ANKS6: variants seen among roughly 807,000 people sequenced by gnomAD.
ANKS6 encodes the protein ankyrin repeat and sterile alpha motif domain containing 6.
Under a neutral mutation model 77.9 loss-of-function variants are expected in ANKS6, and 47 were observed. The observed-to-expected ratio is 0.60, with a 90% CI of 0.48 to 0.77. ANKS6 has a LOEUF of 0.77. Ranked by LOEUF, ANKS6 falls within the 30% of genes least tolerant of loss-of-function variation. The pLI is 0.00. For synonymous variants in ANKS6, 488 were observed against 501.7 expected (o/e 0.97, Z 0.37); for missense variants, 1,150 against 1,159.1 (o/e 0.99, Z 0.11).
intron 14 of ANKS6, among the ~76,000 whole-genome samples, chr9:98,744,916 TCCAATAGC>T (rs1295298685): frequency 6.6e-6 from 1 of 152,092 alleles, no homozygotes; most frequent in African/African-American, 2.4e-5. Flanking sequence ...GCAAAGGAGT[TCCAATAGC>T]CCAATAGCAA....
intron 14 of ANKS6, among the ~76,000 whole-genome samples, chr9:98,744,289 CA>C (rs1295050947): frequency 3.3e-5 from 5 of 152,208 alleles, no homozygotes; most frequent in Non-Finnish European, 7.3e-5. Flanking sequence ...ACAGTGACAA[CA>C]AAAACCACCA....
chr9:98,759,592 C>T (rs948367829), intron 11 of ANKS6, among the ~76,000 whole-genome samples: 18 of 152,202 alleles, frequency 1.2e-4, no homozygotes, highest in Non-Finnish European at 2.1e-4. Context: ...GATTAATTGG[C>T]TAGTGGCTCA....
chr9:98,732,841 A>G lies in ANKS6; in HGVS notation c.*3678T>C. The G allele has an allele frequency of 1.6e-6, 2 of 1,227,040 alleles. No individual in the cohort carries two copies. The highest frequency in any genetic ancestry group is 2.0e-6 in the Non-Finnish European group (2 of 979,222). 76.0% of individuals were successfully genotyped at this position (1,227,040 alleles called of 1,614,324 possible). On this transcript the variant is annotated 3_prime_UTR_variant, in exon 15 of 15. Transcript: ENST00000353234. ...CTCATTTTAAAGGACTAAAAACAGA[A>G]AAACAGGCACCCAACTGACCCTTCC...
chr9:98,734,721 C>T lies in ANKS6; in HGVS notation c.*1798G>A. 21 of 950,778 alleles carry T rather than the reference C, an allele frequency of 2.2e-5. No individual in the cohort carries two copies. The highest frequency in any genetic ancestry group is 2.6e-5 in the Non-Finnish European group (21 of 798,364). The allele number at this position is 950,778 out of a possible 1,614,324, so 58.9% of individuals were successfully genotyped here. ...TGTGCAAGATGAGGTTACACAATGC[C>T]ACCTCCAGGGTGGCCATGAGGATGA... On this transcript the variant is annotated 3_prime_UTR_variant, in exon 15 of 15. Coordinates refer to ENST00000353234, the MANE Select transcript of ANKS6 (RefSeq NM_173551.5).
chr9:98,772,885 A>G (rs572215896), intron 9 of ANKS6, among the ~76,000 whole-genome samples: 1 of 152,174 alleles, frequency 6.6e-6, no homozygotes, highest in East Asian at 1.9e-4. Flanking sequence ...TCCCTGCCTC[A>G]TGTTCTGTGC....
At chr9:98,756,691 T>C (rs923781913) in intron 11 of ANKS6, 88 bp from the exon 12 acceptor site, 63 of 1,138,940 alleles carry the variant, frequency 5.5e-5, no homozygotes, top group Non-Finnish European at 7.4e-5. Context: ...GGAACATGGG[T>C]GGTATTTGAT....
chr9:98,733,573 G>A lies in ANKS6; in HGVS notation c.*2946C>T. 1.0e-6 allele frequency: 1 copy of A among 985,510 alleles called. No homozygotes were observed. Among genetic ancestry groups the A allele is most frequent in the Non-Finnish European group, 1.2e-6 (1 of 829,968 alleles). 61.0% of individuals were successfully genotyped at this position (985,510 alleles called of 1,614,324 possible). A position where few individuals can be genotyped will look rare whatever the true frequency, so the allele number is the denominator to read the frequency against. Reference sequence around the variant, plus strand: ...CACTTCCAGGGCTGCAAGGCCTCTTGGTTGCCGCTGTTCCAGAAAAAGCGG... The same window carrying A: ...CACTTCCAGGGCTGCAAGGCCTCTTAGTTGCCGCTGTTCCAGAAAAAGCGG... On this transcript the variant is annotated 3_prime_UTR_variant, in exon 15 of 15. Coordinates refer to ENST00000353234, the MANE Select transcript of ANKS6 (RefSeq NM_173551.5).
intron 1 of ANKS6, among the ~76,000 whole-genome samples, chr9:98,793,432 T>C (rs1322950539): frequency 6.6e-6 from 1 of 152,218 alleles, no homozygotes; most frequent in South Asian, 2.1e-4. Context: ...TCCTAAGGTT[T>C]TGTATGGATT....
intron 13 of ANKS6, among the ~76,000 whole-genome samples, chr9:98,747,804 G>A (rs1042515059): frequency 6.6e-6 from 1 of 152,030 alleles, no homozygotes; most frequent in African/African-American, 2.4e-5. Flanking sequence ...CACACCAGAG[G>A]TAACAGACCT....
intron 14 of ANKS6, among the ~76,000 whole-genome samples, chr9:98,743,060 G>C (rs1293215443): frequency 6.6e-6 from 1 of 152,202 alleles, no homozygotes; most frequent in East Asian, 1.9e-4. Context: ...GGGCACAGGG[G>C]AGGTTCTGGA....
At position 98,732,720 on chromosome 9, in the gene ANKS6, G is replaced by A; in HGVS notation, c.*3799C>T. 1.4e-6 allele frequency: 2 copies of A among 1,439,296 alleles called. No individual in the cohort carries two copies. The highest frequency in any genetic ancestry group is 9.1e-7 in the Non-Finnish European group (1 of 1,100,924). The allele number at this position is 1,439,296 out of a possible 1,614,324, so 89.2% of individuals were successfully genotyped here. On this transcript the variant is annotated 3_prime_UTR_variant, in exon 15 of 15. Transcript: ENST00000353234. ...GCTACTATCCCCCTGTAACCAAAAG[G>A]GAAACTGGGACTCAAAGGGAAGAAG...
At chr9:98,789,250 G>A (rs1276339997) in intron 2 of ANKS6, among the ~76,000 whole-genome samples, 4 of 151,972 alleles carry the variant, frequency 2.6e-5, no homozygotes, top group Non-Finnish European at 4.4e-5. Flanking sequence ...GTTACTCCCT[G>A]GCTGTGAGTC....
At position 98,736,629 on chromosome 9, in the gene ANKS6, G is replaced by T; in HGVS notation, c.2512-6C>A. ...AAAATTTGTCTCTCGCGTCCCTGTG[G>T]AGGAAATTGAAAACAGACACAGAAA... On this transcript the variant is annotated splice_region_variant and splice_polypyrimidine_tract_variant and intron_variant, in intron 14 of 14. Transcript: ENST00000353234. 6.2e-7 allele frequency: 1 copy of T among 1,600,504 alleles called. No homozygotes were observed. Among genetic ancestry groups the T allele is most frequent in the South Asian group, 1.1e-5 (1 of 88,814 alleles).
chr9:98,795,534 C>G (rs939447439), intron 1 of ANKS6, among the ~76,000 whole-genome samples: 1 of 152,200 alleles, frequency 6.6e-6, no homozygotes, highest in African/African-American at 2.4e-5. Context: ...CCAGTCCTAC[C>G]AGCTCGTGCA....
chr9:98,786,726 C>G (rs1834595425), intron 2 of ANKS6, among the ~76,000 whole-genome samples: 1 of 152,200 alleles, frequency 6.6e-6, no homozygotes, highest in Admixed American at 6.5e-5. Flanking sequence ...TTCAAGTATT[C>G]AAGAACCAAC....
intron 12 of ANKS6, among the ~76,000 whole-genome samples, chr9:98,754,399 T>A (rs1471910020): frequency 6.6e-6 from 1 of 152,122 alleles, no homozygotes; most frequent in Non-Finnish European, 1.5e-5. Flanking sequence ...CCAAGCACTT[T>A]GGGAGGCCGA....
chr9:98,733,925 G>A lies in ANKS6; in HGVS notation c.*2594C>T, dbSNP rs1343883471. Reference sequence around the variant, plus strand: ...TGGTGAAGGTTGCCAAGCAAGGGAGGTGCTTCTTGTGGGGGGAACAGCCAC... The same window carrying A: ...TGGTGAAGGTTGCCAAGCAAGGGAGATGCTTCTTGTGGGGGGAACAGCCAC... On this transcript the variant is annotated 3_prime_UTR_variant, in exon 15 of 15. Transcript: ENST00000353234. 21 of 985,306 alleles carry A rather than the reference G, an allele frequency of 2.1e-5. No homozygotes were observed. The highest frequency in any genetic ancestry group is 2.4e-5 in the Non-Finnish European group (20 of 829,984). The allele number at this position is 985,306 out of a possible 1,614,324, so 61.0% of individuals were successfully genotyped here.
Position 98,783,282 on chromosome 9 carries a change from T to C in ANKS6, c.1112+671A>G, listed in dbSNP as rs539638584. ...AGGTGTCTGAAATAAAATTTCGTCT[T>C]GGAATTCAAGACTCATCGAATAAGA... On this transcript the variant is annotated intron_variant, in intron 4 of 14. Coordinates refer to ENST00000353234, the MANE Select transcript of ANKS6 (RefSeq NM_173551.5). Among the ~76,000 whole-genome samples, 501 of 152,130 alleles carry C rather than the reference T, an allele frequency of 3.3e-3. 2 individuals are homozygous for C. Among genetic ancestry groups the C allele is most frequent in the Non-Finnish European group, 5.8e-3 (395 of 68,016 alleles).
chr9:98,783,084 GAAAGAAAAGA>G (rs969043656), intron 4 of ANKS6, among the ~76,000 whole-genome samples: 1 of 127,484 alleles, frequency 7.8e-6, no homozygotes, highest in African/African-American at 2.9e-5. Context: ...GATACTGTTG[GAAAGAAAAGA>G]AAAGAAAAGA....
Sources: gnomAD v4.1 joint callset for allele counts (sites outside exome capture counted in the v4.1 genomes callset) on GRCh38, gnomAD v4.1.1 for gene constraint, MANE v1.5 for transcripts, NCBI Gene and HGNC (gene_info 2026-07-23, HGNC 2026-07-21) for gene names.